The following GUCY2C variants were observed in gnomAD, a reference collection of about 807,000 sequenced individuals.
GUCY2C encodes guanylyl cyclase C.
A neutral mutation model predicts 131.1 loss-of-function variants in GUCY2C; 118 were observed. The observed-to-expected ratio is 0.90, with a 90% CI of 0.78 to 1.05. The LOEUF (loss-of-function observed/expected upper bound fraction) is 1.05, where lower values mean the gene tolerates loss of function less well. Among genes scored for constraint, GUCY2C ranks in the 50% least tolerant of loss-of-function variants. GUCY2C has a pLI of 0.00. For missense variants in GUCY2C, 1,161 were observed against 1,304.4 expected (o/e 0.89, Z 1.69); for synonymous variants, 452 against 457.8 (o/e 0.99, Z 0.16).
chr12:14,639,516 G>T (rs970677363), intron 19 of GUCY2C, among the ~76,000 whole-genome samples: 2 of 151,980 alleles, frequency 1.3e-5, no homozygotes, highest in East Asian at 1.9e-4. Flanking sequence ...TTGAGATGAG[G>T]TGATTATTCT....
At position 14,681,764 on chromosome 12, in the gene GUCY2C, G is replaced by A. The variant is rs7312506; in HGVS notation, c.612-287C>T. On this transcript the variant is annotated intron_variant, in intron 4 of 26. Transcript: ENST00000261170. ...ACTCTAAGCAATTTTGTGAATATGT[G>A]GCTTGGTTACTTTGATTTAAAGTGA... Among the ~76,000 whole-genome samples, 150,364 of 152,282 alleles carry A rather than the reference G, an allele frequency of 0.99. 74,250 individuals carry two copies. The highest frequency in any genetic ancestry group is 1 in the Middle Eastern group (294 of 294).
Position 14,663,173 on chromosome 12 carries a change from A to G in GUCY2C, c.1283-2111T>C, listed in dbSNP as rs892156528. On this transcript the variant is annotated intron_variant, in intron 10 of 26. Transcript: ENST00000261170. ...ATATTATTTAGATATGCAAAACAGT[A>G]AAAGCAGAAGTGACTGAGAGAGCAG... 1.5e-4 allele frequency among the ~76,000 whole-genome samples: 23 copies of G among 152,274 alleles called. 1 individual carries two copies. The highest frequency in any genetic ancestry group is 5.3e-4 in the African/African-American group (22 of 41,472).
chr12:14,638,226 G>A (rs1276560289), intron 19 of GUCY2C, among the ~76,000 whole-genome samples: 1 of 152,150 alleles, frequency 6.6e-6, no homozygotes, highest in Admixed American at 6.5e-5. Context: ...ACAGATGCTG[G>A]CAAGGATGCA....
chr12:14,667,445 C>T (rs1445817323), intron 10 of GUCY2C, among the ~76,000 whole-genome samples: 1 of 152,162 alleles, frequency 6.6e-6, no homozygotes, highest in Non-Finnish European at 1.5e-5. Flanking sequence ...AGAAGAATGC[C>T]ATCTTCATTC....
intron 15 of GUCY2C, among the ~76,000 whole-genome samples, chr12:14,647,095 A>G (rs933707002): frequency 6.6e-6 from 1 of 152,194 alleles, no homozygotes; most frequent in Admixed American, 6.5e-5. Flanking sequence ...CTTTTGTGGA[A>G]GAGAGAATGA....
At chr12:14,670,646 G>A (rs1449851405) in intron 9 of GUCY2C, among the ~76,000 whole-genome samples, 3 of 151,578 alleles carry the variant, frequency 2.0e-5, no homozygotes, top group Non-Finnish European at 2.9e-5. Context: ...TGCTATTCTC[G>A]TGGTAGTGAA....
chr12:14,658,632 C>T (rs184851723), intron 11 of GUCY2C, among the ~76,000 whole-genome samples: 17 of 152,202 alleles, frequency 1.1e-4, no homozygotes, highest in East Asian at 5.8e-4. Flanking sequence ...GCCAAGATGG[C>T]GCCACTGCAC....
chr12:14,625,390 C>T (rs887749352), intron 21 of GUCY2C, among the ~76,000 whole-genome samples: 5 of 149,668 alleles, frequency 3.3e-5, no homozygotes, highest in Non-Finnish European at 5.9e-5. Flanking sequence ...TGCAGTGGCG[C>T]GATCTTGGCT....
intron 7 of GUCY2C, among the ~76,000 whole-genome samples, chr12:14,676,033 T>C (rs1350221383): frequency 6.6e-6 from 1 of 152,198 alleles, no homozygotes; most frequent in African/African-American, 2.4e-5. Flanking sequence ...CCCAGAGGTA[T>C]CCATCTTTCT....
At chr12:14,627,277 G>C (rs7307553) in intron 20 of GUCY2C, among the ~76,000 whole-genome samples, 67,737 of 152,068 alleles carry the variant, frequency 0.45, 16,009 homozygotes, top group East Asian at 0.65. Flanking sequence ...GGGATGGGGA[G>C]AGATGTTTGT....
intron 3 of GUCY2C, among the ~76,000 whole-genome samples, chr12:14,684,879 G>C (rs932276932): frequency 1.3e-5 from 2 of 151,816 alleles, no homozygotes; most frequent in African/African-American, 4.8e-5. Context: ...GTCTCACTAT[G>C]TTGCCTAGGC....
At chr12:14,665,160 G>C (rs1013751605) in intron 10 of GUCY2C, among the ~76,000 whole-genome samples, 1 of 150,748 alleles carries the variant, frequency 6.6e-6, no homozygotes, top group Non-Finnish European at 1.5e-5. Context: ...AAGTTGCAGT[G>C]AGCCGAGATT....
intron 1 of GUCY2C, among the ~76,000 whole-genome samples, chr12:14,694,426 A>T (rs73294639): frequency 0.052 from 7,931 of 152,276 alleles, 255 homozygotes; most frequent in South Asian, 0.1. Flanking sequence ...TAAAGAGGTG[A>T]TGTAATTGAA....
chr12:14,688,128 T>C (rs1251170867), intron 1 of GUCY2C, 65 bp from the exon 2 acceptor site: 6 of 998,002 alleles, frequency 6.0e-6, no homozygotes, highest in Non-Finnish European at 9.6e-6. Context: ...ATATCAGCCA[T>C]GAGATTGATT....
intron 19 of GUCY2C, 23 bp downstream of exon 19, chr12:14,639,839 T>A: frequency 7.3e-7 from 1 of 1,377,222 alleles, no homozygotes; most frequent in Non-Finnish European, 1.0e-6. Flanking sequence ...GCCAAGGAAA[T>A]GAATACGGGA....
intron 21 of GUCY2C, among the ~76,000 whole-genome samples, chr12:14,623,228 C>T (rs1946930033): frequency 6.6e-6 from 1 of 152,150 alleles, no homozygotes; most frequent in African/African-American, 2.4e-5. Context: ...TTGCATTACA[C>T]TCCCTGCACA....
chr12:14,647,155 A>T (rs1388412054), intron 15 of GUCY2C, among the ~76,000 whole-genome samples: 1 of 152,156 alleles, frequency 6.6e-6, no homozygotes, highest in Non-Finnish European at 1.5e-5. Flanking sequence ...TTCTTTAGTC[A>T]TATTTGTCAT....
chr12:14,685,939 T>C (rs1260731714), intron 3 of GUCY2C, among the ~76,000 whole-genome samples: 1 of 152,176 alleles, frequency 6.6e-6, no homozygotes, highest in Non-Finnish European at 1.5e-5. Flanking sequence ...CCATGTTTTC[T>C]CTCAAGGTCA....
At chr12:14,652,835 A>G in intron 13 of GUCY2C, 117 bp downstream of exon 13, 1 of 775,758 alleles carries the variant, frequency 1.3e-6, no homozygotes, top group East Asian at 2.4e-5. Context: ...AATAGCCCCT[A>G]GGAACAGACT....
Sources: allele counts gnomAD v4.1 joint callset (sites outside exome capture counted in the v4.1 genomes callset), GRCh38; gene constraint gnomAD v4.1.1; transcripts MANE v1.5; gene names NCBI Gene and HGNC (gene_info 2026-07-23, HGNC 2026-07-21).